The following INPP5D variants were observed in gnomAD, a reference collection of about 807,000 sequenced individuals.
The protein encoded by INPP5D is phosphatidylinositol 3,4,5-trisphosphate 5-phosphatase 1.
In INPP5D, 33 loss-of-function variants were observed where a neutral mutation model predicts 122.9. The ratio of observed to expected loss-of-function variants is 0.27; its 90% CI spans 0.20 to 0.36. The LOEUF (loss-of-function observed/expected upper bound fraction) is 0.36, where lower values mean the gene tolerates loss of function less well. Among genes scored for constraint, INPP5D ranks in the 10% least tolerant of loss-of-function variants. The probability of loss-of-function intolerance (pLI) is 1.00; values close to 1 mark genes in which losing one functional copy is unlikely to be tolerated. For synonymous variants in INPP5D, 584 were observed against 576.2 expected (o/e 1.01, Z -0.19); for missense variants, 1,053 against 1,412.7 (o/e 0.75, Z 4.08).
chr2:233,065,959 T>A (rs1285172221), intron 1 of INPP5D, among the ~76,000 whole-genome samples: 1 of 142,352 alleles, frequency 7.0e-6, no homozygotes, highest in Non-Finnish European at 1.5e-5. Context: ...TTTAAAATTA[T>A]TATTATTTTA....
In INPP5D at chr2:233,125,730, T is replaced by C. The variant is rs576374397; in HGVS notation, c.350-15T>C. On this transcript the variant is annotated splice_polypyrimidine_tract_variant and intron_variant, in intron 3 of 26. Transcript: ENST00000445964. ...ACAGTGTCCTCACCAATGGCCTTCC[T>C]GCTGTTCTCTCCAGTAGAAAGTGTC... 9.1e-5 allele frequency: 147 copies of C among 1,608,044 alleles called. 2 individuals carry two copies. In the East Asian group the frequency reaches 2.9e-3, roughly 32 times the overall value.
chr2:233,116,333 A>G (rs1455730250), intron 2 of INPP5D, among the ~76,000 whole-genome samples: 1 of 151,758 alleles, frequency 6.6e-6, no homozygotes, highest in Non-Finnish European at 1.5e-5. Flanking sequence ...TCTGTTGCCC[A>G]GGCTGGAGTG....
At chr2:233,167,705 C>T (rs1349256709) in intron 13 of INPP5D, among the ~76,000 whole-genome samples, 1 of 152,118 alleles carries the variant, frequency 6.6e-6, no homozygotes, top group Non-Finnish European at 1.5e-5. Flanking sequence ...CCAGAGCTGT[C>T]CAACCAAAAG....
intron 11 of INPP5D, among the ~76,000 whole-genome samples, chr2:233,163,238 G>A (rs972633099): frequency 1.3e-5 from 2 of 152,198 alleles, no homozygotes; most frequent in Admixed American, 6.5e-5. Context: ...ACACTCTCCC[G>A]TTTCTCTGGC....
At chr2:233,145,825 C>T (rs181598027) in intron 6 of INPP5D, 518 of 468,754 alleles carry the variant, frequency 1.1e-3, no homozygotes, top group Non-Finnish European at 1.8e-3. Flanking sequence ...GGAAGTAGGA[C>T]GGGAACACCA....
Position 233,189,844 on chromosome 2 carries a change from C to A in INPP5D, c.2359-6C>A. The A allele has an allele frequency of 6.2e-7, 1 of 1,612,910 alleles. No individual in the cohort carries two copies. The highest frequency in any genetic ancestry group is 8.5e-7 in the Non-Finnish European group (1 of 1,179,328). ...CAACTCCAGTCCTGTGCCCTTCTCT[C>A]TGCAGCTGAAGCCCATTATCTCTGA... On this transcript the variant is annotated splice_region_variant and splice_polypyrimidine_tract_variant and intron_variant, in intron 21 of 26. Transcript: ENST00000445964. This position sits in a 1 kb window ranked among gnomAD's most constrained non-coding sequence, Gnocchi z 5.6.
intron 1 of INPP5D, among the ~76,000 whole-genome samples, chr2:233,071,539 C>G (rs1691383724): frequency 6.6e-6 from 1 of 151,982 alleles, no homozygotes; most frequent in Admixed American, 6.6e-5. Context: ...TCTATTCTTC[C>G]AGGTGAACCA....
chr2:233,148,672 T>A (rs548063177), intron 9 of INPP5D, among the ~76,000 whole-genome samples: 2 of 152,144 alleles, frequency 1.3e-5, no homozygotes, highest in Non-Finnish European at 1.5e-5. Flanking sequence ...CAGCCTCTCG[T>A]TCTGGCTGAT....
chr2:233,093,057 C>T (rs540553831), intron 2 of INPP5D, among the ~76,000 whole-genome samples: 2 of 152,332 alleles, frequency 1.3e-5, no homozygotes, highest in East Asian at 3.9e-4. Context: ...AGAAATGGAA[C>T]AATAAGCAGA....
Position 233,105,978 on chromosome 2 carries a change from A to G in INPP5D, c.199-16129A>G, listed in dbSNP as rs933136277. Among the ~76,000 whole-genome samples, 1 of 152,232 alleles carries G rather than the reference A, an allele frequency of 6.6e-6. No homozygotes were observed. Among genetic ancestry groups the G allele is most frequent in the Non-Finnish European group, 1.5e-5 (1 of 68,038 alleles). On this transcript the variant is annotated intron_variant, in intron 2 of 26. Coordinates refer to ENST00000445964, the MANE Select transcript of INPP5D (RefSeq NM_001017915.3). The surrounding 1 kb of genome is among the most constrained non-coding windows in gnomAD (Gnocchi z 4.0). ...ATGTGGAACTTGACGATTTGTCCCT[A>G]TTGGCAGATACTGATGATAAAACAA...
chr2:233,140,820 C>T (rs1693616719), intron 6 of INPP5D: 1 of 152,224 alleles, frequency 6.6e-6, no homozygotes, highest in Non-Finnish European at 1.5e-5. Flanking sequence ...AGGTGGGAGC[C>T]ACCATGCCTG....
At chr2:233,143,784 T>C (rs1693677154) in intron 6 of INPP5D, among the ~76,000 whole-genome samples, 1 of 152,128 alleles carries the variant, frequency 6.6e-6, no homozygotes. Context: ...GAGGTGGTCA[T>C]GATCATGGGA....
At chr2:233,178,695 G>A (rs1694707957) in intron 18 of INPP5D, among the ~76,000 whole-genome samples, 2 of 152,062 alleles carry the variant, frequency 1.3e-5, no homozygotes, top group South Asian at 2.1e-4. Flanking sequence ...TGTTGGTCAG[G>A]CTGGTCTCGA....
chr2:233,117,659 C>T (rs898768020), intron 2 of INPP5D, among the ~76,000 whole-genome samples: 7 of 152,212 alleles, frequency 4.6e-5, no homozygotes, highest in African/African-American at 1.4e-4. Flanking sequence ...TCCCTATGCC[C>T]TGTCCCTACA....
Position 233,201,810 on chromosome 2 carries a change from C to T in INPP5D, c.2976-2316C>T, listed in dbSNP as rs556031979. Among the ~76,000 whole-genome samples, 256 of 152,302 alleles carry T rather than the reference C, an allele frequency of 1.7e-3. 1 individual carries two copies. Among genetic ancestry groups the T allele is most frequent in the Non-Finnish European group, 3.3e-3 (225 of 68,022 alleles). On this transcript the variant is annotated intron_variant, in intron 25 of 26. Transcript: ENST00000445964. ...GTGCTTAGCTGCTTTGGAGATGAGA[C>T]TCGTCTCCTGAATCTGAGAAGTACA...
chr2:233,064,765 C>T (rs540150856), intron 1 of INPP5D, among the ~76,000 whole-genome samples: 14 of 152,228 alleles, frequency 9.2e-5, no homozygotes, highest in African/African-American at 2.6e-4. Flanking sequence ...GTGATGGAGC[C>T]GCAGAGAAGG....
Position 233,206,837 on chromosome 2 carries a change from A to G in INPP5D, c.*129A>G. 1 of 697,052 alleles carries G rather than the reference A, an allele frequency of 1.4e-6. No individual in the cohort carries two copies. 43.2% of individuals were successfully genotyped at this position (697,052 alleles called of 1,614,324 possible). A position where few individuals can be genotyped will look rare whatever the true frequency, so the allele number is the denominator to read the frequency against. On this transcript the variant is annotated 3_prime_UTR_variant, in exon 27 of 27. Coordinates refer to ENST00000445964, the MANE Select transcript of INPP5D (RefSeq NM_001017915.3). The surrounding 1 kb of genome is among the most constrained non-coding windows in gnomAD (Gnocchi z 4.0). ...ATGCAAGGCTTTGTGTTTTCAGGAA[A>G]GGGCCTAGCTTCTGTGTGGCCCACA...
Position 233,204,335 on chromosome 2 carries a change from T to C in INPP5D, c.3185T>C (p.Leu1062Pro), listed in dbSNP as rs202066432. Residue 1062 changes from leucine (L) to proline (P), a missense_variant, in exon 26 of 27, where the codon CTC becomes CCC. Transcript: ENST00000445964. ...GGCATCTTGTCGCCCAGCATCGTGC[T>C]CACCAAAGCCCAGGAGGCTGATCGC... is the stretch of plus-strand genomic sequence containing the variant. ...EPGILSPSIV[L>P]TKAQEADRGE... 6.5e-4 allele frequency: 1,052 copies of C among 1,611,196 alleles called. 18 individuals carry two copies. In the Admixed American group the frequency reaches 0.017, roughly 26 times the overall value.
chr2:233,199,451 G>T (rs972433643), intron 25 of INPP5D, among the ~76,000 whole-genome samples: 3 of 149,524 alleles, frequency 2.0e-5, no homozygotes, highest in Admixed American at 2.0e-4. Flanking sequence ...CAGGAGAATC[G>T]CTTGAACCTA....
Sources: allele counts gnomAD v4.1 joint callset (sites outside exome capture counted in the v4.1 genomes callset), GRCh38; gene constraint gnomAD v4.1.1; non-coding constraint Gnocchi (gnomAD v3.1); transcripts MANE v1.5; gene names NCBI Gene and HGNC (gene_info 2026-07-23, HGNC 2026-07-21).